CHDH: variants seen among roughly 807,000 people sequenced by gnomAD.
CHDH encodes choline dehydrogenase, mitochondrial.
A neutral mutation model predicts 56.9 loss-of-function variants in CHDH; 43 were observed. The ratio of observed to expected loss-of-function variants is 0.76; its 90% CI spans 0.59 to 0.97. The LOEUF is 0.97. Ranked by LOEUF, CHDH falls within the 50% of genes least tolerant of loss-of-function variation. The pLI, the probability that CHDH is intolerant of heterozygous loss-of-function variation, is 0.00. For missense variants in CHDH, 816 were observed against 821.1 expected (o/e 0.99, Z 0.08); for synonymous variants, 364 against 348.5 (o/e 1.04, Z -0.50).
rs566322981 is a variant in CHDH, at chr3:53,820,666, A to C, written c.986-58T>G. On this transcript the variant is annotated intron_variant, in intron 5 of 8. Transcript: ENST00000315251. ...TACCAAGGGGGCTCAGCTGCTTCTC[A>C]ATATCCCCCCGGTTTTGAAAAATTC... is the stretch of plus-strand genomic sequence containing the variant. 6.9e-5 allele frequency: 108 copies of C among 1,571,078 alleles called. No individual in the cohort carries two copies. In the Middle Eastern group the frequency reaches 1.4e-3, roughly 20 times the overall value.
intron 2 of CHDH, among the ~76,000 whole-genome samples, chr3:53,837,798 C>G (rs1220789371): frequency 6.6e-6 from 1 of 152,094 alleles, no homozygotes; most frequent in South Asian, 2.1e-4. Flanking sequence ...TGGCTCACAT[C>G]TGTAATCCCA....
At chr3:53,829,486 G>A (rs1189387194) in intron 2 of CHDH, among the ~76,000 whole-genome samples, 1 of 152,152 alleles carries the variant, frequency 6.6e-6, no homozygotes, top group South Asian at 2.1e-4. Context: ...CACGTGTAGG[G>A]GCAAAGGTTA....
intron 1 of CHDH, among the ~76,000 whole-genome samples, chr3:53,841,967 C>A (rs1454833990): frequency 6.6e-6 from 1 of 152,052 alleles, no homozygotes; most frequent in Non-Finnish European, 1.5e-5. Flanking sequence ...AGTAACATAG[C>A]AAGACCCCAT....
intron 2 of CHDH, among the ~76,000 whole-genome samples, chr3:53,835,335 T>C (rs1427085952): frequency 6.6e-6 from 1 of 152,226 alleles, no homozygotes; most frequent in Non-Finnish European, 1.5e-5. Flanking sequence ...GCTCAGCTAC[T>C]CATGAGCTTC....
intron 2 of CHDH, among the ~76,000 whole-genome samples, chr3:53,829,206 G>GGA (rs1473884195): frequency 3.3e-5 from 5 of 152,148 alleles, no homozygotes; most frequent in Admixed American, 3.3e-4. Context: ...GCAAAACTAT[G>GGA]GAGACAGTAA....
chr3:53,845,250 TG>T (rs1416546535), intron 1 of CHDH, among the ~76,000 whole-genome samples: 3 of 152,138 alleles, frequency 2.0e-5, no homozygotes, highest in Non-Finnish European at 4.4e-5. Flanking sequence ...CCCAAACCCC[TG>T]GCTGATCCCC....
At position 53,819,417 on chromosome 3, in the gene CHDH, C is replaced by T; in HGVS notation, c.1263+115G>A. 3.6e-6 allele frequency: 5 copies of T among 1,381,210 alleles called. No homozygotes were observed. Among genetic ancestry groups the T allele is most frequent in the Non-Finnish European group, 4.9e-6 (5 of 1,011,628 alleles). 85.6% of individuals were successfully genotyped at this position (1,381,210 alleles called of 1,614,324 possible). A position where few individuals can be genotyped will look rare whatever the true frequency, so the allele number is the denominator to read the frequency against. ...AAGGCAGGGGACAGGCCTCTGTGTC[C>T]CCCACTCTGCAGCCATATGGCACCA... On this transcript the variant is annotated intron_variant, in intron 7 of 8. Coordinates refer to ENST00000315251, the MANE Select transcript of CHDH (RefSeq NM_018397.5). This position sits in a 1 kb window ranked among gnomAD's most constrained non-coding sequence, Gnocchi z 5.4.
Position 53,819,095 on chromosome 3 carries a change from C to T in CHDH, c.1264-55G>A. 8.1e-7 allele frequency: 1 copy of T among 1,228,332 alleles called. No individual in the cohort carries two copies. Among genetic ancestry groups the T allele is most frequent in the Non-Finnish European group, 1.2e-6 (1 of 846,116 alleles). The allele number at this position is 1,228,332 out of a possible 1,614,324, so 76.1% of individuals were successfully genotyped here. ...TCCCTCCATAGACATCCACAGTGAC[C>T]TCTGTCAACCCTGGTTTACCTGTAG... On this transcript the variant is annotated intron_variant, in intron 7 of 8. Transcript: ENST00000315251. This position sits in a 1 kb window ranked among gnomAD's most constrained non-coding sequence, Gnocchi z 5.4.
chr3:53,825,971 GA>G (rs1299380236), intron 2 of CHDH, among the ~76,000 whole-genome samples: 1 of 151,942 alleles, frequency 6.6e-6, no homozygotes, highest in Non-Finnish European at 1.5e-5. Flanking sequence ...TACTGAAATT[GA>G]AAAATTATAC....
chr3:53,823,966 C>T lies in CHDH; in HGVS notation c.43G>A (p.Ala15Thr). 6.6e-7 allele frequency: 1 copy of T among 1,515,254 alleles called. No individual in the cohort carries two copies. The allele number at this position is 1,515,254 out of a possible 1,614,324, so 93.9% of individuals were successfully genotyped here. The change falls in exon 3 of 9, where the codon GCA (alanine) becomes ACA (threonine). Residue 15 changes from alanine to threonine, a missense_variant. Ala to Thr is a moderately conservative substitution (Grantham distance 58). Coordinates refer to ENST00000315251, the MANE Select transcript of CHDH (RefSeq NM_018397.5). Reference protein sequence around the residue: ...LRGLGRPGALARGALGQQQSL... With the variant: ...LRGLGRPGALTRGALGQQQSL... ...TGCTGCTGCCCCAGGGCTCCCCGTGCCAGGGCTCCAGGCCGGCCCAGGCCT... is the reference window on the plus strand; with the variant it reads ...TGCTGCTGCCCCAGGGCTCCCCGTGTCAGGGCTCCAGGCCGGCCCAGGCCT...
intron 1 of CHDH, among the ~76,000 whole-genome samples, chr3:53,841,798 C>T (rs184493457): frequency 5.8e-4 from 88 of 152,220 alleles, no homozygotes; most frequent in African/African-American, 2.0e-3. Flanking sequence ...AAAATGGTAT[C>T]GCTGTTCTAA....
Position 53,819,054 on chromosome 3 carries a change from G to A in CHDH, c.1264-14C>T. ...CCCCACATGTACCTAGAAGAACACA[G>A]AGGAAGCAGTGACGGTCCCTCCATA... On this transcript the variant is annotated splice_polypyrimidine_tract_variant and intron_variant, in intron 7 of 8. Coordinates refer to ENST00000315251, the MANE Select transcript of CHDH (RefSeq NM_018397.5). This position sits in a 1 kb window ranked among gnomAD's most constrained non-coding sequence, Gnocchi z 5.4. 6.3e-7 allele frequency: 1 copy of A among 1,576,444 alleles called. No homozygotes were observed. Among genetic ancestry groups the A allele is most frequent in the Non-Finnish European group, 8.7e-7 (1 of 1,147,040 alleles).
In CHDH at chr3:53,823,230, T is replaced by C. The variant is rs2095631348; in HGVS notation, c.703+76A>G. On this transcript the variant is annotated intron_variant, in intron 3 of 8. Transcript: ENST00000315251. ...CCTGACCATGCTGGAGCCAGGAGCC[T>C]GGAGCCACGGGCCAAGATGGGTGGG... 5 of 1,350,704 alleles carry C rather than the reference T, an allele frequency of 3.7e-6. 1 individual carries two copies. 83.7% of individuals were successfully genotyped at this position (1,350,704 alleles called of 1,614,324 possible).
chr3:53,832,269 C>T (rs745645912), intron 2 of CHDH, among the ~76,000 whole-genome samples: 5 of 152,112 alleles, frequency 3.3e-5, no homozygotes, highest in East Asian at 1.9e-4. Context: ...TGGTGGCTCA[C>T]GCCTGTAATC....
chr3:53,840,327 G>A (rs889127288), intron 2 of CHDH, among the ~76,000 whole-genome samples: 3 of 152,124 alleles, frequency 2.0e-5, no homozygotes, highest in Non-Finnish European at 4.4e-5. Context: ...AGGAGTTCAA[G>A]ACCAGCTTGG....
chr3:53,818,306 G>T, intron 8 of CHDH, 111 bp from the exon 9 acceptor site: 1 of 1,018,030 alleles, frequency 9.8e-7, no homozygotes. Context: ...ATGGTGTTTG[G>T]GGACAAAGTT....
intron 2 of CHDH, among the ~76,000 whole-genome samples, chr3:53,837,241 T>C (rs1458620198): frequency 6.6e-6 from 1 of 152,202 alleles, no homozygotes; most frequent in Non-Finnish European, 1.5e-5. Context: ...AAGTTTCTCT[T>C]TCCAGGAATC....
At chr3:53,840,123 T>C (rs1414775217) in intron 2 of CHDH, among the ~76,000 whole-genome samples, 1 of 152,144 alleles carries the variant, frequency 6.6e-6, no homozygotes, top group Non-Finnish European at 1.5e-5. Context: ...TAATATACAG[T>C]TAGATAGAAG....
rs35375185 is a variant in CHDH, at chr3:53,819,014, C to G, written c.1290G>C (p.Thr430=). The G allele has an allele frequency of 0.018, 28,236 of 1,613,200 alleles. 291 individuals are homozygous for G. Among genetic ancestry groups the G allele is most frequent in the Middle Eastern group, 0.021 (129 of 6,062 alleles). Residue 430 remains threonine, a synonymous_variant, in exon 8 of 9, where the codon ACG becomes ACC. Coordinates refer to ENST00000315251, the MANE Select transcript of CHDH (RefSeq NM_018397.5). The surrounding 1 kb of genome is among the most constrained non-coding windows in gnomAD (Gnocchi z 5.4). ...TTCTCAGTTTGAGCCAGCCCACACT[C>G]GTGCCCCGCATGGGCCCCACATGTA... is the stretch of plus-strand genomic sequence containing the variant. ...YQVHVGPMRG[T]SVGWLKLRSA...
Sources: gnomAD v4.1 joint callset for allele counts (sites outside exome capture counted in the v4.1 genomes callset) on GRCh38, gnomAD v4.1.1 for gene constraint, Gnocchi (gnomAD v3.1) non-coding constraint, MANE v1.5 for transcripts, NCBI Gene and HGNC (gene_info 2026-07-23, HGNC 2026-07-21) for gene names.